Variants in EDNRA observed in about 807,000 individuals in gnomAD.
EDNRA encodes endothelin receptor type A.
Under a neutral mutation model 41.4 loss-of-function variants are expected in EDNRA, and 11 were observed. That is an observed-to-expected ratio of 0.27 (90% CI 0.17 to 0.44). The LOEUF is 0.44. Among genes scored for constraint, EDNRA ranks in the 20% least tolerant of loss-of-function variants. The probability of loss-of-function intolerance (pLI) is 1.00; values close to 1 mark genes in which losing one functional copy is unlikely to be tolerated. For synonymous variants in EDNRA, 172 were observed against 183.0 expected (o/e 0.94, Z 0.49); for missense variants, 294 against 531.0 (o/e 0.55, Z 4.39).
At chr4:147,522,921 C>G (rs573124145) in intron 3 of EDNRA, among the ~76,000 whole-genome samples, 1 of 152,252 alleles carries the variant, frequency 6.6e-6, no homozygotes, top group African/African-American at 2.4e-5. Context: ...AATCCATACA[C>G]GTAAGGTTTA....
intron 2 of EDNRA, among the ~76,000 whole-genome samples, chr4:147,505,646 G>GTTTTTT (rs70958567): frequency 9.5e-6 from 1 of 105,232 alleles, no homozygotes; most frequent in Non-Finnish European, 1.8e-5. Context: ...CCCGCCGGCA[G>GTTTTTT]TTTTTTTTTT....
rs1386292093 is a variant in EDNRA, at chr4:147,519,109, G to C, written c.421-742G>C. On this transcript the variant is annotated intron_variant, in intron 2 of 7. Coordinates refer to ENST00000651419, the MANE Select transcript of EDNRA (RefSeq NM_001957.4). This position sits in a 1 kb window ranked among gnomAD's most constrained non-coding sequence, Gnocchi z 4.1. ...TCTGCATGTGATACCAACAGATCAA[G>C]GTAACCACATTTTTCTGTATAGTAA... Among the ~76,000 whole-genome samples, 1 of 152,158 alleles carries C rather than the reference G, an allele frequency of 6.6e-6. No individual in the cohort carries two copies. Among genetic ancestry groups the C allele is most frequent in the Non-Finnish European group, 1.5e-5 (1 of 68,030 alleles).
chr4:147,527,404 G>GCCAC (rs1220701835), intron 3 of EDNRA, among the ~76,000 whole-genome samples: 1 of 152,094 alleles, frequency 6.6e-6, no homozygotes, highest in Non-Finnish European at 1.5e-5. Flanking sequence ...ATTGATAAGG[G>GCCAC]CCACGCCCGT....
At chr4:147,532,985 A>ATGTGTGTGTGTGTGTGTGTATG (rs1474208642) in intron 4 of EDNRA, among the ~76,000 whole-genome samples, 1 of 125,158 alleles carries the variant, frequency 8.0e-6, no homozygotes, top group Non-Finnish European at 1.6e-5. Context: ...GAGGGACTAG[A>ATGTGTGTGTGTGTGTGTGTATG]TGTGTGTGTG....
At chr4:147,502,479 A>G (rs927725058) in intron 2 of EDNRA, among the ~76,000 whole-genome samples, 4 of 152,238 alleles carry the variant, frequency 2.6e-5, no homozygotes, top group Non-Finnish European at 5.9e-5. Flanking sequence ...AATTATTTCC[A>G]TCTTCAACTT....
At chr4:147,500,005 G>A (rs1000979482) in intron 2 of EDNRA, among the ~76,000 whole-genome samples, 6 of 151,592 alleles carry the variant, frequency 4.0e-5, no homozygotes, top group Admixed American at 1.3e-4. Flanking sequence ...GGGTTTCACC[G>A]TGTTGGCCAG....
intron 2 of EDNRA, among the ~76,000 whole-genome samples, chr4:147,503,949 A>T (rs1729601235): frequency 6.6e-6 from 1 of 152,174 alleles, no homozygotes; most frequent in Non-Finnish European, 1.5e-5. Context: ...TTTATGAAAA[A>T]AATTATATTT....
chr4:147,489,315 C>G (rs931747141), intron 2 of EDNRA: 6 of 152,072 alleles, frequency 3.9e-5, no homozygotes, highest in Non-Finnish European at 7.4e-5. Context: ...CTCTTAGTTG[C>G]TTTTATGCTC....
intron 3 of EDNRA, among the ~76,000 whole-genome samples, chr4:147,520,639 G>A (rs1008603243): frequency 1.3e-5 from 2 of 152,166 alleles, no homozygotes; most frequent in African/African-American, 4.8e-5. Context: ...AATGAAATTA[G>A]GAACTTTATA....
intron 3 of EDNRA, among the ~76,000 whole-genome samples, chr4:147,521,228 TA>T (rs2126451304): frequency 6.6e-6 from 1 of 152,124 alleles, no homozygotes; most frequent in East Asian, 1.9e-4. Flanking sequence ...AAACACAAAA[TA>T]AAAATGTTAT....
At chr4:147,492,659 G>A (rs1281487292) in intron 2 of EDNRA, 1 of 146,840 alleles carries the variant, frequency 6.8e-6, no homozygotes, top group Non-Finnish European at 1.5e-5. Context: ...TATCACAGAA[G>A]TTTTTTTTTT....
intron 2 of EDNRA, among the ~76,000 whole-genome samples, chr4:147,510,743 C>A (rs866527915): frequency 1.3e-5 from 2 of 152,152 alleles, no homozygotes; most frequent in Non-Finnish European, 2.9e-5. Flanking sequence ...ATGTGGGATT[C>A]TCCAAGTTCT....
In EDNRA at chr4:147,487,679, C is replaced by T. The variant is rs188636194; in HGVS notation, c.420+1578C>T. ...AGTGGTCTGATAATATAGATGAAAA[C>T]AATGGTTACAATTTTGACATTGCAA... is the stretch of plus-strand genomic sequence containing the variant. On this transcript the variant is annotated intron_variant, in intron 2 of 7. Coordinates refer to ENST00000651419, the MANE Select transcript of EDNRA (RefSeq NM_001957.4). 6.8e-4 allele frequency among the ~76,000 whole-genome samples: 103 copies of T among 152,220 alleles called. 1 individual carries two copies. Among genetic ancestry groups the T allele is most frequent in the Middle Eastern group, 6.8e-3 (2 of 294 alleles).
At chr4:147,489,427 AG>A (rs1324725891) in intron 2 of EDNRA, 5 of 152,198 alleles carry the variant, frequency 3.3e-5, no homozygotes, top group Non-Finnish European at 1.5e-5. Flanking sequence ...ATCTGAGGCA[AG>A]CTAGAATTAC....
chr4:147,522,453 G>A (rs137921537), intron 3 of EDNRA, among the ~76,000 whole-genome samples: 1,927 of 151,996 alleles, frequency 0.013, 19 homozygotes, highest in Middle Eastern at 0.031. Flanking sequence ...CACAAGAATC[G>A]CTTGAACCCG....
At chr4:147,528,270 G>C (rs1296222455) in intron 3 of EDNRA, among the ~76,000 whole-genome samples, 1 of 151,622 alleles carries the variant, frequency 6.6e-6, no homozygotes, top group Admixed American at 6.6e-5. Context: ...TTTGGCACTT[G>C]TTGTTCTAGG....
At chr4:147,541,268 GC>G (rs1333267017) in intron 7 of EDNRA, among the ~76,000 whole-genome samples, 3 of 152,094 alleles carry the variant, frequency 2.0e-5, no homozygotes, top group African/African-American at 7.2e-5. Flanking sequence ...GAAGCTCTAA[GC>G]CTGTCTTATT....
chr4:147,532,087 C>T lies in EDNRA; in HGVS notation c.549-419C>T, dbSNP rs551704904. Among the ~76,000 whole-genome samples, 166 of 146,210 alleles carry T rather than the reference C, an allele frequency of 1.1e-3. 2 individuals are homozygous for T. Among genetic ancestry groups the T allele is most frequent in the African/African-American group, 4.0e-3 (158 of 39,436 alleles). On this transcript the variant is annotated intron_variant, in intron 3 of 7. Transcript: ENST00000651419. ...CAGCACTTTGGGAGGCCGAGGCAGACGGATCACGAGGTCAGGAGATCGAGA... is the reference window on the plus strand; with the variant it reads ...CAGCACTTTGGGAGGCCGAGGCAGATGGATCACGAGGTCAGGAGATCGAGA...
chr4:147,497,149 C>CTTTTTT (rs11330586), intron 2 of EDNRA, among the ~76,000 whole-genome samples: 117 of 75,062 alleles, frequency 1.6e-3, no homozygotes, highest in Non-Finnish European at 1.7e-3. Context: ...TAGAATTCTT[C>CTTTTTT]TTTTTTTTTT....
Sources: allele counts gnomAD v4.1 joint callset (sites outside exome capture counted in the v4.1 genomes callset), GRCh38; gene constraint gnomAD v4.1.1; non-coding constraint Gnocchi (gnomAD v3.1); transcripts MANE v1.5; gene names NCBI Gene and HGNC (gene_info 2026-07-23, HGNC 2026-07-21).